IGF2R: variants seen among roughly 807,000 people sequenced by gnomAD.
IGF2R encodes cation-independent mannose-6-phosphate receptor.
A neutral mutation model predicts 270.6 loss-of-function variants in IGF2R; 91 were observed. That is an observed-to-expected ratio of 0.34 (90% CI 0.28 to 0.40). The LOEUF (loss-of-function observed/expected upper bound fraction) is 0.40. Among genes scored for constraint, IGF2R ranks in the 10% least tolerant of loss-of-function variants. IGF2R has a pLI of 1.00. For synonymous variants in IGF2R, 1,316 were observed against 1,258.9 expected (o/e 1.05, Z -0.96); for missense variants, 2,805 against 3,188.3 (o/e 0.88, Z 2.90).
Position 160,050,096 on chromosome 6 carries a change from G to A in IGF2R, c.2515-377G>A, listed in dbSNP as rs991012372. On this transcript the variant is annotated intron_variant, in intron 18 of 47. Coordinates refer to ENST00000356956, the MANE Select transcript of IGF2R (RefSeq NM_000876.4). This position sits in a 1 kb window ranked among gnomAD's most constrained non-coding sequence, Gnocchi z 4.0. ...GTCTTCATAGTGGTTAGTGTCAGCCGTTCCACCGGAATTCAGGATCTGAAG... is the reference window on the plus strand; with the variant it reads ...GTCTTCATAGTGGTTAGTGTCAGCCATTCCACCGGAATTCAGGATCTGAAG... 1.3e-5 allele frequency among the ~76,000 whole-genome samples: 2 copies of A among 152,170 alleles called. No homozygotes were observed. The highest frequency in any genetic ancestry group is 4.8e-5 in the African/African-American group (2 of 41,430).
In IGF2R at chr6:160,004,515, C is replaced by T. The variant is rs111320777; in HGVS notation, c.290-4495C>T. ...GTGTGGTCTGGAGGGGTCTGGCAAG[C>T]GCTATCTGGAGCACTCAGAGGTGTG... On this transcript the variant is annotated intron_variant, in intron 2 of 47. Transcript: ENST00000356956. The surrounding 1 kb of genome is among the most constrained non-coding windows in gnomAD (Gnocchi z 5.2). 129 of 153,386 alleles carry T rather than the reference C, an allele frequency of 8.4e-4. No individual in the cohort carries two copies. The highest frequency in any genetic ancestry group is 2.4e-3 in the African/African-American group (101 of 41,510). The allele number at this position is 153,386 out of a possible 1,614,324, so 9.5% of individuals were successfully genotyped here.
At chr6:160,068,189 G>T in intron 29 of IGF2R, 60 bp from the exon 30 acceptor site, 1 of 1,592,140 alleles carries the variant, frequency 6.3e-7, no homozygotes, top group Non-Finnish European at 8.6e-7. Context: ...TAGACAGAGT[G>T]CCCAATGTTT....
chr6:160,010,609 T>C, intron 3 of IGF2R, 78 bp from the exon 4 acceptor site: 2 of 915,760 alleles, frequency 2.2e-6, no homozygotes, highest in Middle Eastern at 2.4e-4. Flanking sequence ...TAGTAGCCTT[T>C]ACTGCATTCT....
intron 31 of IGF2R, among the ~76,000 whole-genome samples, chr6:160,070,905 G>A (rs1583291479): frequency 6.6e-6 from 1 of 152,210 alleles, no homozygotes; most frequent in Admixed American, 6.5e-5. Flanking sequence ...CAGAGGCTTA[G>A]TCCAGACTCA....
rs763230551 is a variant in IGF2R at position 160,096,610 on chromosome 6, C to T, written c.6827C>T (p.Ala2276Val). 5 of 1,613,574 alleles carry T rather than the reference C, an allele frequency of 3.1e-6. No homozygotes were observed. The East Asian group carries it at 8.9e-5, about 29-fold the overall frequency. Residue 2276 changes from alanine to valine, a missense_variant, in exon 45 of 48, where the codon GCC (alanine) becomes GTC (valine). By Grantham distance (64) the Ala-to-Val change is moderately conservative. Around this residue, in one of 2 missense-constraint regions of IGF2R, gnomAD observed 1,851 missense variants for 2,207.2 expected, o/e 0.84. Transcript: ENST00000356956. The part of the protein sequence containing the change: ...CQYLFSWYTS[A>V]VCPLGVGFDS... ...TACCTCTTCTCTTGGTACACCTCAG[C>T]CGTGTGTCCTCTGGGGTGAGTATGA... is the stretch of plus-strand genomic sequence containing the variant.
chr6:159,972,838 T>G (rs3798209), intron 1 of IGF2R, among the ~76,000 whole-genome samples: 2 of 152,088 alleles, frequency 1.3e-5, no homozygotes, highest in East Asian at 3.9e-4. Flanking sequence ...CGACAAAGGC[T>G]CATTTCCCAA....
intron 1 of IGF2R, among the ~76,000 whole-genome samples, chr6:159,983,432 C>T (rs1453068199): frequency 6.6e-6 from 1 of 152,140 alleles, no homozygotes; most frequent in Non-Finnish European, 1.5e-5. Flanking sequence ...GGACTGACTG[C>T]AGTTCTCCAG....
intron 2 of IGF2R, among the ~76,000 whole-genome samples, chr6:159,993,368 T>C (rs1267396516): frequency 6.6e-6 from 1 of 152,236 alleles, no homozygotes; most frequent in Non-Finnish European, 1.5e-5. Context: ...TAGTTTCAGA[T>C]CTTACATTTA....
Position 159,969,251 on chromosome 6 carries a change from GGGCCGCCGC to G in IGF2R, c.6_14del (p.Ala3_Ala5del). ...GCGCAGTCCGGGCCCGGCGCGATGGGGGCCGCCGCCGGCCGGAGCCCCCACCTGGGGCCC... is the reference window on the plus strand; with the variant it reads ...GCGCAGTCCGGGCCCGGCGCGATGGGCGGCCGGAGCCCCCACCTGGGGCCC... On this transcript the variant is annotated inframe_deletion, in exon 1 of 48. Transcript: ENST00000356956. 1 of 1,047,790 alleles carries G rather than the reference GGGCCGCCGC, an allele frequency of 9.5e-7. No homozygotes were observed. The highest frequency in any genetic ancestry group is 1.1e-6 in the Non-Finnish European group (1 of 873,524). 64.9% of individuals were successfully genotyped at this position (1,047,790 alleles called of 1,614,324 possible).
chr6:160,084,821 C>T lies in IGF2R; in HGVS notation c.6069-174C>T, dbSNP rs1323959244. Among the ~76,000 whole-genome samples, 1 of 151,738 alleles carries T rather than the reference C, an allele frequency of 6.6e-6. No homozygotes were observed. Among genetic ancestry groups the T allele is most frequent in the Non-Finnish European group, 1.5e-5 (1 of 67,932 alleles). ...GAGCTCCCTTCTTCAGTGAAGACTTCTTTTGCCCTTTTTTTTTTTAATTGG... is the reference window on the plus strand; with the variant it reads ...GAGCTCCCTTCTTCAGTGAAGACTTTTTTTGCCCTTTTTTTTTTTAATTGG... On this transcript the variant is annotated intron_variant, in intron 40 of 47. Transcript: ENST00000356956. The surrounding 1 kb of genome is among the most constrained non-coding windows in gnomAD (Gnocchi z 4.6).
At chr6:160,071,445 C>T (rs1778736572) in intron 31 of IGF2R, among the ~76,000 whole-genome samples, 1 of 152,216 alleles carries the variant, frequency 6.6e-6, no homozygotes. Context: ...TTGAGATGAG[C>T]AGAGTAAGCC....
rs1471563996 is a variant in IGF2R at position 160,058,947 on chromosome 6, G to T, written c.2940G>T (p.Leu980=). Residue 980 remains leucine, a synonymous_variant, in exon 22 of 48, where the codon CTG becomes CTT. Coordinates refer to ENST00000356956, the MANE Select transcript of IGF2R (RefSeq NM_000876.4). ...CAATGCCTGTCTGTGGGACCATCCTGGGAAAACCTGCTTCTGGCTGTGAGG... is the reference window on the plus strand; with the variant it reads ...CAATGCCTGTCTGTGGGACCATCCTTGGAAAACCTGCTTCTGGCTGTGAGG... The part of the protein sequence containing the change: ...CGTMPVCGTI[L]GKPASGCEAE... 2.5e-6 allele frequency: 4 copies of T among 1,614,210 alleles called. 1 individual carries two copies. Among genetic ancestry groups the T allele is most frequent in the Non-Finnish European group, 3.4e-6 (4 of 1,180,038 alleles).
At position 160,004,313 on chromosome 6, in the gene IGF2R, G is replaced by C. The variant is rs2115195055; in HGVS notation, c.290-4697G>C. ...TGTGAAGTCAGGATCACCAGGCTTTGTGGCTTCAAGGAGGCCAAATCACCA... is the reference window on the plus strand; with the variant it reads ...TGTGAAGTCAGGATCACCAGGCTTTCTGGCTTCAAGGAGGCCAAATCACCA... On this transcript the variant is annotated intron_variant, in intron 2 of 47. Transcript: ENST00000356956. This position sits in a 1 kb window ranked among gnomAD's most constrained non-coding sequence, Gnocchi z 5.2. The C allele has an allele frequency of 6.6e-6, 1 of 152,378 alleles. No homozygotes were observed. Among genetic ancestry groups the C allele is most frequent in the East Asian group, 1.9e-4 (1 of 5,180 alleles). 9.4% of individuals were successfully genotyped at this position (152,378 alleles called of 1,614,324 possible).
chr6:159,982,621 T>C (rs1175109662), intron 1 of IGF2R, among the ~76,000 whole-genome samples: 1 of 152,232 alleles, frequency 6.6e-6, no homozygotes, highest in Non-Finnish European at 1.5e-5. Flanking sequence ...ACTGATCCCA[T>C]CCTGCCTTTA....
chr6:160,053,279 G>C (rs1406173782), intron 19 of IGF2R, among the ~76,000 whole-genome samples: 1 of 152,130 alleles, frequency 6.6e-6, no homozygotes, highest in Non-Finnish European at 1.5e-5. Flanking sequence ...GGGGGCTGGG[G>C]GGGAGGGATA....
intron 1 of IGF2R, 61 bp downstream of exon 1, chr6:159,969,456 G>C (rs1562326642): frequency 1.8e-6 from 2 of 1,136,248 alleles, no homozygotes; most frequent in Non-Finnish European, 2.2e-6. Context: ...GGCCGGCGTG[G>C]GGGGCGGGGA....
At chr6:160,033,927 A>G (rs948140124) in intron 9 of IGF2R, among the ~76,000 whole-genome samples, 2 of 152,252 alleles carry the variant, frequency 1.3e-5, no homozygotes, top group African/African-American at 4.8e-5. Flanking sequence ...TTCAAAAATT[A>G]GGAACAGAAA....
At chr6:160,035,133 T>G (rs904902000) in intron 10 of IGF2R, among the ~76,000 whole-genome samples, 14 of 152,214 alleles carry the variant, frequency 9.2e-5, no homozygotes, top group Admixed American at 5.2e-4. Flanking sequence ...TGGGATTCCG[T>G]CATCATCAGA....
Position 160,068,178 on chromosome 6 carries a change from C to T in IGF2R, c.4116-71C>T, listed in dbSNP as rs969755349. 6.7e-5 allele frequency: 104 copies of T among 1,547,236 alleles called. 1 individual carries two copies. Among genetic ancestry groups the T allele is most frequent in the Non-Finnish European group, 9.1e-5 (104 of 1,137,782 alleles). On this transcript the variant is annotated intron_variant, in intron 29 of 47. Transcript: ENST00000356956. ...ACTATGCCTGAATACTTGAACGTTT[C>T]TAGACAGAGTGCCCAATGTTTAAAG...
Sources: allele counts gnomAD v4.1 joint callset (sites outside exome capture counted in the v4.1 genomes callset), GRCh38; gene constraint gnomAD v4.1.1; regional missense constraint gnomAD v4.1.1; non-coding constraint Gnocchi (gnomAD v3.1); transcripts MANE v1.5; gene names NCBI Gene and HGNC (gene_info 2026-07-23, HGNC 2026-07-21).